Variants in MAPK10 observed in about 807,000 individuals in gnomAD.
MAPK10 encodes JNK3 alpha protein kinase.
In MAPK10, 25 loss-of-function variants were observed where a neutral mutation model predicts 59.3. That is an observed-to-expected ratio of 0.42 (90% CI 0.31 to 0.59). The LOEUF (loss-of-function observed/expected upper bound fraction) is 0.59, where lower values mean the gene tolerates loss of function less well. Among genes scored for constraint, MAPK10 ranks in the 20% least tolerant of loss-of-function variants. The pLI, the probability that MAPK10 is intolerant of heterozygous loss-of-function variation, is 0.15. For synonymous variants in MAPK10, 190 were observed against 200.5 expected (o/e 0.95, Z 0.44); for missense variants, 351 against 568.9 (o/e 0.62, Z 3.90).
At chr4:86,145,047 T>C (rs1208060985) in intron 4 of MAPK10, among the ~76,000 whole-genome samples, 1 of 152,046 alleles carries the variant, frequency 6.6e-6, no homozygotes, top group Non-Finnish European at 1.5e-5. Flanking sequence ...TACCAATTAG[T>C]TTTATCCTCC....
At chr4:86,344,509 T>C (rs1726944352) in intron 2 of MAPK10, among the ~76,000 whole-genome samples, 1 of 151,642 alleles carries the variant, frequency 6.6e-6, no homozygotes, top group Admixed American at 6.6e-5. Flanking sequence ...CCTACTTTAA[T>C]AGTGAGCTGC....
chr4:86,574,564 C>T (rs548595905), intron 1 of MAPK10, among the ~76,000 whole-genome samples: 229 of 152,060 alleles, frequency 1.5e-3, no homozygotes, highest in African/African-American at 5.4e-3. Context: ...CTCTCCAGCA[C>T]CTGTTGTTTC....
At chr4:86,451,790 G>A (rs145218511) in intron 1 of MAPK10, among the ~76,000 whole-genome samples, 263 of 152,260 alleles carry the variant, frequency 1.7e-3, no homozygotes, top group Middle Eastern at 6.8e-3. Flanking sequence ...GGGAAACAGG[G>A]GAGGGCACAC....
intron 3 of MAPK10, among the ~76,000 whole-genome samples, chr4:86,189,885 G>A (rs2079239602): frequency 6.6e-6 from 1 of 152,100 alleles, no homozygotes; most frequent in African/African-American, 2.4e-5. Flanking sequence ...CTGTGGAACT[G>A]TCATAAATAG....
chr4:86,263,585 T>A (rs2094107322), intron 2 of MAPK10, among the ~76,000 whole-genome samples: 1 of 152,082 alleles, frequency 6.6e-6, no homozygotes, highest in African/African-American at 2.4e-5. Context: ...GCATGACAAA[T>A]AGGGATTAAT....
intron 2 of MAPK10, among the ~76,000 whole-genome samples, chr4:86,316,733 G>A (rs1459482175): frequency 6.6e-6 from 1 of 152,076 alleles, no homozygotes; most frequent in Non-Finnish European, 1.5e-5. Context: ...TGTTCCAGGG[G>A]CTGCAAATTC....
chr4:86,565,772 T>G (rs1445494587), intron 1 of MAPK10, among the ~76,000 whole-genome samples: 2 of 138,338 alleles, frequency 1.4e-5, no homozygotes, highest in African/African-American at 5.5e-5. Context: ...AGCTTATCAT[T>G]TTTTTGCAGT....
chr4:86,101,924 C>T lies in MAPK10; in HGVS notation c.534G>A (p.Lys178=). ...YLLYQMLCGI[K]HLHSAGIIHR... is the part of the protein sequence containing the mutation. Reference sequence around the variant, plus strand: ...GAATAATTCCAGCAGAATGGAGGTGCTTAATGCCACACAACATTTGGTACA... The same window carrying T: ...GAATAATTCCAGCAGAATGGAGGTGTTTAATGCCACACAACATTTGGTACA... Residue 178 remains lysine (K), a synonymous_variant, in exon 7 of 14, where the codon AAG becomes AAA. Coordinates refer to ENST00000641462, the MANE Select transcript of MAPK10 (RefSeq NM_138982.4). 1 of 1,614,038 alleles carries T rather than the reference C, an allele frequency of 6.2e-7. No individual in the cohort carries two copies. Among genetic ancestry groups the T allele is most frequent in the Non-Finnish European group, 8.5e-7 (1 of 1,179,928 alleles).
intron 11 of MAPK10, among the ~76,000 whole-genome samples, chr4:86,049,574 A>C (rs2043136251): frequency 6.6e-6 from 1 of 152,146 alleles, no homozygotes; most frequent in African/African-American, 2.4e-5. Context: ...TTCAGTTTAA[A>C]ATAGTTCAAT....
At chr4:86,103,530 C>T (rs1157731498) in intron 5 of MAPK10, among the ~76,000 whole-genome samples, 1 of 151,890 alleles carries the variant, frequency 6.6e-6, no homozygotes, top group Non-Finnish European at 1.5e-5. Flanking sequence ...TGTGATTCCT[C>T]GTGGCAGAAT....
chr4:86,139,620 T>C (rs547400025), intron 4 of MAPK10, among the ~76,000 whole-genome samples: 2 of 152,282 alleles, frequency 1.3e-5, no homozygotes, highest in South Asian at 4.1e-4. Context: ...GACATAGGCA[T>C]GGGCAAGGAT....
At chr4:86,555,247 A>T (rs374968422) in intron 1 of MAPK10, among the ~76,000 whole-genome samples, 2 of 152,290 alleles carry the variant, frequency 1.3e-5, no homozygotes, top group East Asian at 3.9e-4. Context: ...GGAGTTCAAG[A>T]CCAGGCTGAC....
chr4:86,211,804 T>C (rs1381210008), intron 2 of MAPK10, among the ~76,000 whole-genome samples: 1 of 152,098 alleles, frequency 6.6e-6, no homozygotes, highest in Non-Finnish European at 1.5e-5. Context: ...AATAACTAAA[T>C]AAAGGGATTA....
intron 1 of MAPK10, among the ~76,000 whole-genome samples, chr4:86,359,284 C>CTG (rs1396195347): frequency 2.0e-4 from 26 of 132,938 alleles, no homozygotes; most frequent in East Asian, 1.1e-3. Context: ...CTCTCTCTCT[C>CTG]TCTCTGTGTG....
chr4:86,452,878 C>A (rs1750890965), intron 1 of MAPK10, among the ~76,000 whole-genome samples: 1 of 152,064 alleles, frequency 6.6e-6, no homozygotes, highest in African/African-American at 2.4e-5. Flanking sequence ...ACCCATGGAC[C>A]CTCTAAAGGG....
chr4:86,438,820 G>A (rs1282705784), intron 1 of MAPK10, among the ~76,000 whole-genome samples: 2 of 152,162 alleles, frequency 1.3e-5, no homozygotes, highest in Non-Finnish European at 2.9e-5. Context: ...GAAGAAAGGA[G>A]GGAGGGGTGG....
At chr4:86,144,215 T>C (rs2064298721) in intron 4 of MAPK10, among the ~76,000 whole-genome samples, 2 of 152,132 alleles carry the variant, frequency 1.3e-5, no homozygotes, top group Admixed American at 6.5e-5. Context: ...TCCAGTTAAG[T>C]AGGGGTTGTT....
At chr4:86,194,116 T>C (rs1221635350) in intron 3 of MAPK10, 2 of 517,012 alleles carry the variant, frequency 3.9e-6, no homozygotes, top group Non-Finnish European at 3.5e-6. Flanking sequence ...ACCAGGTACC[T>C]CACGTGGAAA....
chr4:86,131,041 C>A (rs1040974872), intron 4 of MAPK10, among the ~76,000 whole-genome samples: 2 of 151,988 alleles, frequency 1.3e-5, no homozygotes, highest in African/African-American at 4.8e-5. Context: ...TAATATAAGG[C>A]ACAAGATCTA....
Sources: gnomAD v4.1 joint callset for allele counts (sites outside exome capture counted in the v4.1 genomes callset) on GRCh38, gnomAD v4.1.1 for gene constraint, MANE v1.5 for transcripts, NCBI Gene and HGNC (gene_info 2026-07-23, HGNC 2026-07-21) for gene names.